Variants in PRICKLE2 observed in about 807,000 individuals in gnomAD.
PRICKLE2 encodes the protein prickle planar cell polarity protein 2.
In PRICKLE2, 21 loss-of-function variants were observed where a neutral mutation model predicts 81.4. The observed-to-expected ratio is 0.26, with a 90% CI of 0.18 to 0.37. PRICKLE2 has a LOEUF of 0.37. PRICKLE2 is among the 10% of genes least tolerant of loss of function. The pLI is 1.00. For missense variants in PRICKLE2, 940 were observed against 1,109.0 expected (o/e 0.85, Z 2.16); for synonymous variants, 456 against 421.5 (o/e 1.08, Z -1.00).
Position 64,225,455 on chromosome 3 carries a change from C to T in PRICKLE2, c.-586G>A. On this transcript the variant is annotated 5_prime_UTR_variant, in exon 1 of 8. Coordinates refer to ENST00000638394, the MANE Select transcript of PRICKLE2 (RefSeq NM_198859.4). ...GCGCTGCTGGTGGTGCCTGAGAAGT[C>T]GCTGTTGCAGTGCTTGCATCCTCCG... The T allele has an allele frequency of 7.1e-6, 7 of 985,180 alleles. No individual in the cohort carries two copies. In the South Asian group the frequency reaches 2.4e-4, roughly 33 times the overall value. 61.0% of individuals were successfully genotyped at this position (985,180 alleles called of 1,614,324 possible).
intron 1 of PRICKLE2, among the ~76,000 whole-genome samples, chr3:64,216,304 T>C (rs2078870947): frequency 6.6e-6 from 1 of 152,236 alleles, no homozygotes; most frequent in African/African-American, 2.4e-5. Flanking sequence ...AATGGACATA[T>C]GCACATTCAC....
At chr3:64,138,288 AG>A (rs2077307633) in intron 7 of PRICKLE2, among the ~76,000 whole-genome samples, 5 of 152,334 alleles carry the variant, frequency 3.3e-5, no homozygotes, top group Admixed American at 3.3e-4. Flanking sequence ...GACATGACTC[AG>A]GTCTGACATA....
At chr3:64,252,063 T>C (rs1395775994) in intron 2 of PRICKLE2, among the ~76,000 whole-genome samples, 1 of 152,138 alleles carries the variant, frequency 6.6e-6, no homozygotes, top group Non-Finnish European at 1.5e-5. Flanking sequence ...ACTGGAGACA[T>C]GGCAAAGTGA....
upstream of PRICKLE2, among the ~76,000 whole-genome samples, chr3:64,227,629 G>A (rs1227718329): frequency 6.6e-6 from 1 of 152,142 alleles, no homozygotes; most frequent in Non-Finnish European, 1.5e-5. Context: ...TCAGACTCTG[G>A]CTGTGACACT....
rs1575602293 is a variant in PRICKLE2, at chr3:64,159,053, T to C, written c.396+887A>G. ...TGGAAAGCCTGTGGCAGCTGAGAGG[T>C]GGGGCAAGGTGTGTTCCCACCCTGC... is the stretch of plus-strand genomic sequence containing the variant. On this transcript the variant is annotated intron_variant, in intron 4 of 7. Transcript: ENST00000638394. 1.3e-5 allele frequency among the ~76,000 whole-genome samples: 2 copies of C among 152,058 alleles called. 1 individual carries two copies. The highest frequency in any genetic ancestry group is 4.2e-4 in the South Asian group (2 of 4,814).
intron 2 of PRICKLE2, among the ~76,000 whole-genome samples, chr3:64,246,573 G>A (rs1336180921): frequency 1.3e-5 from 2 of 152,220 alleles, no homozygotes; most frequent in Non-Finnish European, 2.9e-5. Context: ...TGGAAGGCTT[G>A]TTAAATACAG....
intron 7 of PRICKLE2, among the ~76,000 whole-genome samples, chr3:64,115,685 C>T (rs1222022754): frequency 6.6e-6 from 1 of 152,002 alleles, no homozygotes; most frequent in East Asian, 1.9e-4. Context: ...ACAGGAGCAC[C>T]CAGATTCAAA....
intron 1 of PRICKLE2, among the ~76,000 whole-genome samples, chr3:64,221,374 C>T (rs1323600163): frequency 6.6e-6 from 1 of 151,290 alleles, no homozygotes; most frequent in Non-Finnish European, 1.5e-5. Context: ...TCTCCAAACT[C>T]GACTGACTCA....
At chr3:64,127,743 G>A (rs60947485) in intron 7 of PRICKLE2, among the ~76,000 whole-genome samples, 1,862 of 151,670 alleles carry the variant, frequency 0.012, 33 homozygotes, top group African/African-American at 0.04. Flanking sequence ...GCCCTCCAGC[G>A]TCATCTCCTG....
intron 2 of PRICKLE2, among the ~76,000 whole-genome samples, chr3:64,172,116 A>C (rs1358126163): frequency 6.6e-6 from 1 of 152,214 alleles, no homozygotes; most frequent in African/African-American, 2.4e-5. Flanking sequence ...TAGAAAATAC[A>C]TTCCATTTAG....
intron 7 of PRICKLE2, among the ~76,000 whole-genome samples, chr3:64,112,332 T>C (rs2076861410): frequency 6.6e-6 from 1 of 152,164 alleles, no homozygotes. Context: ...CAAAATACAA[T>C]GTACTCCTTT....
At chr3:64,237,157 T>A (rs1222199629) in intron 2 of PRICKLE2, among the ~76,000 whole-genome samples, 4 of 152,164 alleles carry the variant, frequency 2.6e-5, no homozygotes, top group Non-Finnish European at 5.9e-5. Flanking sequence ...GGATTGTCTA[T>A]GAGCCCCAGA....
chr3:64,236,540 A>C (rs704400), intron 2 of PRICKLE2, among the ~76,000 whole-genome samples: 19,160 of 152,320 alleles, frequency 0.13, 1,568 homozygotes, highest in East Asian at 0.42. Context: ...CAGCTTACAT[A>C]TCCCTCAAAC....
intron 1 of PRICKLE2, among the ~76,000 whole-genome samples, chr3:64,221,420 TACACACAC>T (rs71808412): frequency 2.2e-3 from 316 of 143,902 alleles, no homozygotes; most frequent in African/African-American, 7.4e-3. Flanking sequence ...GCTTGATTCA[TACACACAC>T]ACACACACAC....
At chr3:64,120,235 T>G (rs986785722) in intron 7 of PRICKLE2, among the ~76,000 whole-genome samples, 2 of 152,198 alleles carry the variant, frequency 1.3e-5, no homozygotes, top group African/African-American at 4.8e-5. Flanking sequence ...AAAGTCAACT[T>G]CTAATAAAAT....
intron 7 of PRICKLE2, among the ~76,000 whole-genome samples, chr3:64,122,906 G>C (rs188550298): frequency 2.0e-5 from 3 of 152,314 alleles, no homozygotes; most frequent in East Asian, 1.9e-4. Context: ...ACCTGGAAGA[G>C]AGGGAGGAAC....
At chr3:64,167,821 C>A (rs1292581473) in intron 2 of PRICKLE2, among the ~76,000 whole-genome samples, 1 of 152,212 alleles carries the variant, frequency 6.6e-6, no homozygotes, top group Non-Finnish European at 1.5e-5. Context: ...TGTTAAAACA[C>A]AGATTTCTAA....
At chr3:64,226,712 C>T (rs953228093), upstream of PRICKLE2, among the ~76,000 whole-genome samples, 4 of 152,230 alleles carry the variant, frequency 2.6e-5, no homozygotes, top group Non-Finnish European at 5.9e-5. Flanking sequence ...CTGTTCCTAG[C>T]ATCTGAGTAT....
chr3:64,257,537 G>A (rs1309681480), intron 2 of PRICKLE2, among the ~76,000 whole-genome samples: 1 of 152,208 alleles, frequency 6.6e-6, no homozygotes, highest in Non-Finnish European at 1.5e-5. Flanking sequence ...GTGGCCCTGA[G>A]TGGGATGCAG....
Sources: allele counts gnomAD v4.1 joint callset (sites outside exome capture counted in the v4.1 genomes callset), GRCh38; gene constraint gnomAD v4.1.1; transcripts MANE v1.5; gene names NCBI Gene and HGNC (gene_info 2026-07-23, HGNC 2026-07-21).